NCOR2: variants seen among roughly 807,000 people sequenced by gnomAD.
NCOR2 encodes CTG repeat protein 26.
A neutral mutation model predicts 262.9 loss-of-function variants in NCOR2; 81 were observed. That is an observed-to-expected ratio of 0.31 (90% CI 0.26 to 0.37). NCOR2 has a LOEUF of 0.37. NCOR2 is among the 10% of genes least tolerant of loss of function. NCOR2 has a pLI of 1.00. For synonymous variants in NCOR2, 1,659 were observed against 1,559.3 expected (o/e 1.06, Z -1.51); for missense variants, 3,385 against 3,621.4 (o/e 0.93, Z 1.68).
At chr12:124,486,220 C>A (rs1409933635) in intron 2 of NCOR2, among the ~76,000 whole-genome samples, 1 of 152,250 alleles carries the variant, frequency 6.6e-6, no homozygotes, top group African/African-American at 2.4e-5. Context: ...ACAGAGGCCA[C>A]TGAAGTTCCA....
chr12:124,489,617 G>A (rs924437822), intron 1 of NCOR2, among the ~76,000 whole-genome samples: 3 of 151,652 alleles, frequency 2.0e-5, no homozygotes, highest in African/African-American at 4.8e-5. Context: ...AGCCATTCAG[G>A]TGATGCCCCC....
At chr12:124,490,955 A>G (rs1346835777) in intron 1 of NCOR2, among the ~76,000 whole-genome samples, 1 of 152,264 alleles carries the variant, frequency 6.6e-6, no homozygotes, top group African/African-American at 2.4e-5. Flanking sequence ...CAAACTGGAA[A>G]TGAAACAGAC....
chr12:124,421,171 CT>C (rs1486198188), intron 12 of NCOR2, among the ~76,000 whole-genome samples: 1 of 152,216 alleles, frequency 6.6e-6, no homozygotes, highest in Non-Finnish European at 1.5e-5. Flanking sequence ...AGACGTCAGC[CT>C]CACTCACTGT....
intron 16 of NCOR2, among the ~76,000 whole-genome samples, chr12:124,390,361 A>T (rs1195850508): frequency 6.6e-6 from 1 of 152,004 alleles, no homozygotes; most frequent in Non-Finnish European, 1.5e-5. Flanking sequence ...GGGCCTTTGC[A>T]CCAGCTGCTC....
rs1405231168 is a variant in NCOR2, at chr12:124,483,158, A to G, written c.411+438T>C. Among the ~76,000 whole-genome samples, 1 of 152,048 alleles carries G rather than the reference A, an allele frequency of 6.6e-6. No individual in the cohort carries two copies. Among genetic ancestry groups the G allele is most frequent in the African/African-American group, 2.4e-5 (1 of 41,390 alleles). On this transcript the variant is annotated intron_variant, in intron 3 of 46. Coordinates refer to ENST00000405201, the Ensembl canonical transcript of NCOR2. The surrounding 1 kb of genome is among the most constrained non-coding windows in gnomAD (Gnocchi z 6.3). Reference sequence around the variant, plus strand: ...ACTGAGCCCCCTGTTCCAAGCAAGCATGGAACCAAACAACCCACCCTCGAG... The same window carrying G: ...ACTGAGCCCCCTGTTCCAAGCAAGCGTGGAACCAAACAACCCACCCTCGAG...
intron 38 of NCOR2, 83 bp downstream of exon 40, chr12:124,336,667 ACCT>A: frequency 6.5e-7 from 1 of 1,541,868 alleles, no homozygotes; most frequent in South Asian, 1.2e-5. Context: ...TGGCCAGCGC[ACCT>A]CCTTCTCGCG....
At chr12:124,528,362 T>C (rs1163292533) in intron 1 of NCOR2, among the ~76,000 whole-genome samples, 1 of 152,178 alleles carries the variant, frequency 6.6e-6, no homozygotes, top group Non-Finnish European at 1.5e-5. Context: ...GCTTATTTAA[T>C]TTACAGGCCT....
rs573771223 is a variant in NCOR2, at chr12:124,395,425, G to C, written c.1876+2694C>G. 5.3e-5 allele frequency among the ~76,000 whole-genome samples: 8 copies of C among 152,302 alleles called. No individual in the cohort carries two copies. The East Asian group carries it at 1.5e-3, about 29-fold the overall frequency. Reference sequence around the variant, plus strand: ...CAGATTGCTGTAATTCACGGCAGACGAACATGCTGCTGCTCACGACATTAT... The same window carrying C: ...CAGATTGCTGTAATTCACGGCAGACCAACATGCTGCTGCTCACGACATTAT... On this transcript the variant is annotated intron_variant, in intron 16 of 46. Transcript: ENST00000405201.
At chr12:124,486,524 G>T in exon 2 of NCOR2, 1 of 1,602,188 alleles carries the variant, frequency 6.2e-7, no homozygotes, top group Non-Finnish European at 8.5e-7. Flanking sequence ...ACAGGTGGGA[G>T]GCATAGTCGC....
At chr12:124,532,063 C>T (rs2050821940) in intron 1 of NCOR2, among the ~76,000 whole-genome samples, 1 of 152,124 alleles carries the variant, frequency 6.6e-6, no homozygotes, top group Non-Finnish European at 1.5e-5. Flanking sequence ...GATGCCACAT[C>T]GCCTCCCTGT....
chr12:124,358,088 TGTGTGTGCGCGCGCGCACGTGCGTGC>T (rs1566391212), intron 22 of NCOR2, among the ~76,000 whole-genome samples: 1 of 148,090 alleles, frequency 6.8e-6, no homozygotes, highest in African/African-American at 2.5e-5. Flanking sequence ...ACCTGTGATG[TGTGTGTGCGCGCGCGCACGTGCGTGC>T]GTGTGAGTGC....
chr12:124,327,505 T>G lies in NCOR2; in HGVS notation c.7087A>C (p.Asn2363His), dbSNP rs370212035. 7.4e-6 allele frequency: 12 copies of G among 1,613,666 alleles called. No individual in the cohort carries two copies. In the African/African-American group the frequency reaches 1.6e-4, roughly 22 times the overall value. Reference sequence around the variant, plus strand: ...CTGGCATTCAGAGGGTTAAAAGCATTGGCGCTGAGCGGCGGGGACTCTTCC... The same window carrying G: ...CTGGCATTCAGAGGGTTAAAAGCATGGGCGCTGAGCGGCGGGGACTCTTCC... The change falls in exon 45 of 47, where the codon AAT becomes CAT. Residue 2363 changes from asparagine to histidine, a missense_variant. Around this residue, in one of 5 missense-constraint regions of NCOR2, gnomAD observed 1,017 missense variants for 967.2 expected, o/e 1.05. Coordinates refer to ENST00000405201, the Ensembl canonical transcript of NCOR2.
rs535997772 is a variant in NCOR2 at position 124,422,707 on chromosome 12, G to A, written c.1329-152C>T. 774 of 779,514 alleles carry A rather than the reference G, an allele frequency of 9.9e-4. 2 individuals are homozygous for A. Among genetic ancestry groups the A allele is most frequent in the Non-Finnish European group, 1.2e-3 (570 of 474,922 alleles). The allele number at this position is 779,514 out of a possible 1,614,324, so 48.3% of individuals were successfully genotyped here. A position where few individuals can be genotyped will look rare whatever the true frequency, so the allele number is the denominator to read the frequency against. ...AATTAAGCCCAGGGGGGTGTGGGAA[G>A]GGCTGCTGCGGCAGACGGGAGGGGT... On this transcript the variant is annotated intron_variant, in intron 11 of 46. Transcript: ENST00000405201.
exon 34 of NCOR2, chr12:124,341,941 G>A: frequency 6.2e-7 from 1 of 1,613,280 alleles, no homozygotes; most frequent in Non-Finnish European, 8.5e-7. Flanking sequence ...GCTGCGAGGT[G>A]ATGTAGTCAT....
chr12:124,371,679 A>G (rs1371759171), intron 20 of NCOR2, among the ~76,000 whole-genome samples: 2 of 152,128 alleles, frequency 1.3e-5, no homozygotes, highest in Non-Finnish European at 2.9e-5. Flanking sequence ...CCAGGACTGT[A>G]TTTGTTAAAA....
At chr12:124,533,745 G>A (rs1250910310) in intron 1 of NCOR2, among the ~76,000 whole-genome samples, 1 of 152,128 alleles carries the variant, frequency 6.6e-6, no homozygotes, top group African/African-American at 2.4e-5. Flanking sequence ...AAACGCACGG[G>A]AGCTGGTGCT....
chr12:124,511,381 G>A (rs1329652693), intron 1 of NCOR2, among the ~76,000 whole-genome samples: 3 of 152,248 alleles, frequency 2.0e-5, no homozygotes, highest in African/African-American at 7.2e-5. Flanking sequence ...AAGGAGCTGT[G>A]TGGCCTCTGC....
At position 124,346,904 on chromosome 12, in the gene NCOR2, G is replaced by A. The variant is rs911821705; in HGVS notation, c.4073-54C>T. 49 of 1,443,766 alleles carry A rather than the reference G, an allele frequency of 3.4e-5. No homozygotes were observed. In the African/African-American group the frequency reaches 5.8e-4, roughly 17 times the overall value. The allele number at this position is 1,443,766 out of a possible 1,614,324, so 89.4% of individuals were successfully genotyped here. A position where few individuals can be genotyped will look rare whatever the true frequency, so the allele number is the denominator to read the frequency against. ...GCCCCGCCCCACCCAGACCCATCAA[G>A]AGCCTCCACACCAGTGGGTTCTGGA... On this transcript the variant is annotated intron_variant, in intron 30 of 46. Coordinates refer to ENST00000405201, the Ensembl canonical transcript of NCOR2.
intron 31 of NCOR2, among the ~76,000 whole-genome samples, chr12:124,346,344 G>A (rs1003864421): frequency 2.0e-5 from 3 of 152,188 alleles, no homozygotes; most frequent in African/African-American, 7.2e-5. Flanking sequence ...TGAAGAATGG[G>A]AACAATGTGA....
Sources: allele counts gnomAD v4.1 joint callset (sites outside exome capture counted in the v4.1 genomes callset), GRCh38; gene constraint gnomAD v4.1.1; regional missense constraint gnomAD v4.1.1; non-coding constraint Gnocchi (gnomAD v3.1); transcripts MANE v1.5; gene names NCBI Gene and HGNC (gene_info 2026-07-23, HGNC 2026-07-21).